NDUFAF6: variants seen among roughly 807,000 people sequenced by gnomAD.
NDUFAF6 encodes the protein NADH:ubiquinone oxidoreductase complex assembly factor 6.
In NDUFAF6, 45 loss-of-function variants were observed where a neutral mutation model predicts 40.8. The ratio of observed to expected loss-of-function variants is 1.10; its 90% CI spans 0.87 to 1.42. The LOEUF is 1.42. NDUFAF6 is among the 40% of genes most tolerant of loss of function. The probability of loss-of-function intolerance (pLI) is 0.00; values close to 1 mark genes in which losing one functional copy is unlikely to be tolerated. For missense variants in NDUFAF6, 435 were observed against 418.5 expected (o/e 1.04, Z -0.34); for synonymous variants, 185 against 155.9 (o/e 1.19, Z -1.39).
chr8:94,994,659 C>T (rs753716569), intron 2 of NDUFAF6, among the ~76,000 whole-genome samples: 4 of 152,024 alleles, frequency 2.6e-5, no homozygotes, highest in Non-Finnish European at 5.9e-5. Flanking sequence ...CACAGTGAGA[C>T]CCTGTCTCTA....
chr8:95,047,963 T>A lies in NDUFAF6; in HGVS notation c.715-494T>A, dbSNP rs113440877. Reference sequence around the variant, plus strand: ...GACTCATGCCTGTAATCCCAGCACTTTGGGAGGGTCGCTTGAGTCCAGGAG... The same window carrying A: ...GACTCATGCCTGTAATCCCAGCACTATGGGAGGGTCGCTTGAGTCCAGGAG... On this transcript the variant is annotated intron_variant, in intron 6 of 8. Transcript: ENST00000396124. Among the ~76,000 whole-genome samples, 23 of 152,050 alleles carry A rather than the reference T, an allele frequency of 1.5e-4. 1 individual carries two copies. Among genetic ancestry groups the A allele is most frequent in the Admixed American group, 1.5e-3 (23 of 15,264 alleles).
At chr8:95,001,462 A>G (rs1382510904) in intron 2 of NDUFAF6, among the ~76,000 whole-genome samples, 3 of 152,162 alleles carry the variant, frequency 2.0e-5, no homozygotes, top group South Asian at 2.1e-4. Context: ...TCAACTTGAC[A>G]TTGCCATATT....
chr8:95,095,136 A>T (rs971992078), intron 2 of NDUFAF6, among the ~76,000 whole-genome samples: 3 of 128,478 alleles, frequency 2.3e-5, no homozygotes, highest in African/African-American at 1.6e-4. Flanking sequence ...GAGAAAGATT[A>T]AAAAAAGAAA....
At chr8:95,008,668 G>A (rs1192549002) in intron 2 of NDUFAF6, among the ~76,000 whole-genome samples, 2 of 151,880 alleles carry the variant, frequency 1.3e-5, no homozygotes, top group East Asian at 1.9e-4. Flanking sequence ...CACTACGCCC[G>A]GGTAATTTCT....
chr8:95,027,479 C>G (rs1828293350), intron 1 of NDUFAF6, among the ~76,000 whole-genome samples: 1 of 150,886 alleles, frequency 6.6e-6, no homozygotes, highest in Non-Finnish European at 1.5e-5. Flanking sequence ...ACTCTGGAGG[C>G]TGAGAGAGGA....
At chr8:95,044,452 T>TTTC (rs886345283) in intron 4 of NDUFAF6, 7 of 3,314 alleles carry the variant, frequency 2.1e-3, no homozygotes, top group African/African-American at 3.3e-3. Context: ...TGTCATTTTC[T>TTTC]TTTTTTTTTT....
chr8:95,108,337 G>A (rs7822998), downstream of NDUFAF6, among the ~76,000 whole-genome samples: 126,762 of 152,106 alleles, frequency 0.83, 53,245 homozygotes, highest in East Asian at 1. Context: ...GCTAAATAAA[G>A]TGTGGTACAT....
chr8:95,089,881 C>A (rs1285278390), intron 2 of NDUFAF6, among the ~76,000 whole-genome samples: 4 of 152,132 alleles, frequency 2.6e-5, no homozygotes, highest in African/African-American at 9.7e-5. Context: ...ACAGTGGGGC[C>A]CATGTGTTGT....
intron 1 of NDUFAF6, among the ~76,000 whole-genome samples, chr8:94,961,099 G>A (rs4735335): frequency 6.6e-6 from 1 of 151,916 alleles, no homozygotes; most frequent in African/African-American, 2.4e-5. Context: ...GAATTTTGAC[G>A]AACAATACAG....
intron 2 of NDUFAF6, 26 bp from the exon 3 acceptor site, chr8:95,035,428 C>T (rs751633967): frequency 1.9e-6 from 3 of 1,612,684 alleles, no homozygotes; most frequent in Middle Eastern, 1.7e-4. Flanking sequence ...AATGCATTTG[C>T]TAAAGTTTTT....
intron 1 of NDUFAF6, among the ~76,000 whole-genome samples, chr8:94,916,669 C>T (rs1392837614): frequency 1.3e-5 from 2 of 151,754 alleles, no homozygotes; most frequent in East Asian, 3.9e-4. Context: ...CAAAAATCAC[C>T]TGGGTGTGGT....
At chr8:95,078,662 A>AAAAAAAAAAATATATATATATATATAT (rs545018367), downstream of NDUFAF6, 3 of 121,050 alleles carry the variant, frequency 2.5e-5, no homozygotes, top group African/African-American at 9.8e-5. Flanking sequence ...AAAAAAAAAA[A>AAAAAAAAAAATATATATATATATATAT]ATATATATAT....
At chr8:95,076,369 A>G (rs912467777), downstream of NDUFAF6, among the ~76,000 whole-genome samples, 3 of 152,090 alleles carry the variant, frequency 2.0e-5, no homozygotes, top group Admixed American at 6.5e-5. Context: ...AGCCATCAAC[A>G]TCATTTCCCA....
rs1026225135 is a variant in NDUFAF6 at position 95,036,266 on chromosome 8, C to G, written c.420+690C>G. 6 of 1,240,848 alleles carry G rather than the reference C, an allele frequency of 4.8e-6. No homozygotes were observed. The African/African-American group carries it at 9.4e-5, about 19-fold the overall frequency. 76.9% of individuals were successfully genotyped at this position (1,240,848 alleles called of 1,614,324 possible). ...TGAGAGGAGGAAGGGAATTAGATAC[C>G]TTTCATCACTGATCTGTGTCCCTGT... On this transcript the variant is annotated intron_variant, in intron 3 of 8. Coordinates refer to ENST00000396124, the MANE Select transcript of NDUFAF6 (RefSeq NM_152416.4).
At chr8:95,110,159 G>T (rs1437261005) in intron 4 of NDUFAF6, among the ~76,000 whole-genome samples, 1 of 152,214 alleles carries the variant, frequency 6.6e-6, no homozygotes, top group African/African-American at 2.4e-5. Flanking sequence ...CTGAGAGATG[G>T]TTGGAGGAGC....
chr8:95,047,103 C>G lies in NDUFAF6; in HGVS notation c.690C>G (p.Phe230Leu), dbSNP rs199955582. 8 of 1,613,986 alleles carry G rather than the reference C, an allele frequency of 5.0e-6. No homozygotes were observed. The highest frequency in any genetic ancestry group is 1.6e-4 in the Middle Eastern group (1 of 6,084). Reference protein sequence around the residue: ...TPYHGSRRKVFLPMDICMLHG... With the variant: ...TPYHGSRRKVLLPMDICMLHG... ...ATCATGGGAGCAGAAGAAAGGTGTT[C>G]CTTCCCATGGATATTTGTATGCTGG... The change falls in exon 6 of 9, where the codon TTC (phenylalanine) becomes TTG (leucine). Residue 230 changes from phenylalanine to leucine, a missense_variant. By Grantham distance (22) the Phe-to-Leu change is conservative. Coordinates refer to ENST00000396124, the MANE Select transcript of NDUFAF6 (RefSeq NM_152416.4).
At chr8:94,990,839 C>T (rs954073654) in intron 2 of NDUFAF6, among the ~76,000 whole-genome samples, 3 of 152,250 alleles carry the variant, frequency 2.0e-5, no homozygotes, top group African/African-American at 7.2e-5. Context: ...TGAAATTTAA[C>T]TGGGTGCCAA....
upstream of NDUFAF6, among the ~76,000 whole-genome samples, chr8:95,098,571 G>C (rs1487001369): frequency 6.6e-6 from 1 of 152,248 alleles, no homozygotes; most frequent in Admixed American, 6.5e-5. Context: ...TCAGGGGGCT[G>C]AGGAAGGAGA....
chr8:94,995,658 C>T (rs574489203), intron 2 of NDUFAF6, among the ~76,000 whole-genome samples: 17 of 152,092 alleles, frequency 1.1e-4, no homozygotes, highest in African/African-American at 3.9e-4. Context: ...TAGTTTTAAA[C>T]AGGGCAGTGA....
Sources: allele counts gnomAD v4.1 joint callset (sites outside exome capture counted in the v4.1 genomes callset), GRCh38; gene constraint gnomAD v4.1.1; transcripts MANE v1.5; gene names NCBI Gene and HGNC (gene_info 2026-07-23, HGNC 2026-07-21).